Variants in HCFC1 observed in about 807,000 individuals in gnomAD.
HCFC1 encodes the protein host cell factor C1.
HCFC1 carries 7 observed loss-of-function variants against 105.5 expected under a neutral mutation model. The observed-to-expected ratio is 0.07, with a 90% CI of 0.04 to 0.12. The LOEUF is 0.12. Among genes scored for constraint, HCFC1 ranks in the 10% least tolerant of loss-of-function variants. The pLI is 1.00. For missense variants in HCFC1, 1,065 were observed against 1,823.6 expected, an observed-to-expected ratio of 0.58 and a Z score of 7.58; for synonymous variants, 918 against 828.1, an observed-to-expected ratio of 1.11 and a Z score of -1.86.
In HCFC1 at chrX:153,971,063, G is replaced by A. The variant is rs1278604915; in HGVS notation, c.-223C>T. 14 of 373,793 alleles carry A rather than the reference G, an allele frequency of 3.7e-5. No individual in the cohort carries two copies. The highest frequency in any genetic ancestry group is 6.3e-5 in the Non-Finnish European group (14 of 220,695). 30.8% of individuals were successfully genotyped at this position (373,793 alleles called of 1,213,427 possible). A position where few individuals can be genotyped will look rare whatever the true frequency, so the allele number is the denominator to read the frequency against. On this transcript the variant is annotated 5_prime_UTR_variant, in exon 1 of 26. Coordinates refer to ENST00000310441, the MANE Select transcript of HCFC1 (RefSeq NM_005334.3). The stretch of plus-strand genomic sequence containing the variant: ...GTCTCCGCAAGAGCCGCCCGAAACT[G>A]TCGAGCGCCTAGGCTCAAGAAGCTG...
Position 153,956,427 on chromosome X carries a change from CA to C in HCFC1, c.2636-17del. ...GTCGTGACACCTGAAGGAAAGGAGG[CA>C]AGAGTTGGGCCAAGGCTGCTGCTGT... On this transcript the variant is annotated splice_polypyrimidine_tract_variant and intron_variant, in intron 15 of 25. Transcript: ENST00000310441. 4 of 1,196,143 alleles carry C rather than the reference CA, an allele frequency of 3.3e-6. No homozygotes were observed. In the Middle Eastern group the frequency reaches 9.3e-4, roughly 279 times the overall value.
At chrX:153,967,927 G>C (rs1479618895) in intron 1 of HCFC1, among the ~76,000 whole-genome samples, 1 of 111,460 alleles carries the variant, frequency 9.0e-6, no homozygotes, top group Admixed American at 9.5e-5. Flanking sequence ...CATTTCAAAG[G>C]TGATGGGCCC....
Position 153,971,380 on chromosome X carries a change from G to A in HCFC1, c.-540C>T. 3.4e-6 allele frequency: 1 copy of A among 292,994 alleles called. No individual in the cohort carries two copies. Among genetic ancestry groups the A allele is most frequent in the Non-Finnish European group, 5.9e-6 (1 of 168,157 alleles). 24.1% of individuals were successfully genotyped at this position (292,994 alleles called of 1,213,427 possible). ...GGAGCCGCCATCTTGAGACCGTCCC[G>A]CTTCCCCGCCCAGCGCCTTAGTGCA... On this transcript the variant is annotated 5_prime_UTR_variant, in exon 1 of 26. Coordinates refer to ENST00000310441, the MANE Select transcript of HCFC1 (RefSeq NM_005334.3).
intron 1 of HCFC1, among the ~76,000 whole-genome samples, chrX:153,968,182 C>T (rs1381928358): frequency 9.0e-6 from 1 of 111,511 alleles, no homozygotes; most frequent in African/African-American, 3.3e-5. Flanking sequence ...CCTGGCAGCA[C>T]TCTGAATCCT....
Position 153,971,309 on chromosome X carries a change from G to T in HCFC1, c.-469C>A, listed in dbSNP as rs1557120131. On this transcript the variant is annotated 5_prime_UTR_variant, in exon 1 of 26. Coordinates refer to ENST00000310441, the MANE Select transcript of HCFC1 (RefSeq NM_005334.3). ...CGGGGCGGGTGGAAAGGAGCCACAAGCGCCGCGGTCGTCGCAGCCCCGCCG... is the reference window on the plus strand; with the variant it reads ...CGGGGCGGGTGGAAAGGAGCCACAATCGCCGCGGTCGTCGCAGCCCCGCCG... 3.4e-6 allele frequency: 1 copy of T among 298,371 alleles called. No homozygotes were observed. The highest frequency in any genetic ancestry group is 2.7e-5 in the African/African-American group (1 of 36,839). 24.6% of individuals were successfully genotyped at this position (298,371 alleles called of 1,213,427 possible).
intron 2 of HCFC1, 115 bp downstream of exon 2, chrX:153,964,463 G>T: frequency 1.1e-6 from 1 of 943,504 alleles, no homozygotes; most frequent in Non-Finnish European, 1.5e-6. Flanking sequence ...GTTCAGAGCA[G>T]CCTTGGCAGA....
At chrX:153,949,461 G>C (rs937521673) in intron 25 of HCFC1, 75 bp from the exon 26 acceptor site, 1 of 1,130,848 alleles carries the variant, frequency 8.8e-7, no homozygotes, top group African/African-American at 1.8e-5. Context: ...GTGCAGGGCC[G>C]GTTAGGGGCC....
At chrX:153,967,551 GCA>G (rs1322022644) in intron 1 of HCFC1, among the ~76,000 whole-genome samples, 4 of 112,138 alleles carry the variant, frequency 3.6e-5, no homozygotes, top group African/African-American at 1.3e-4. Context: ...GTGCTGGGAG[GCA>G]CAGAGGACAC....
intron 5 of HCFC1, among the ~76,000 whole-genome samples, chrX:153,961,861 G>A (rs1557117023): frequency 1.8e-5 from 2 of 111,988 alleles, no homozygotes; most frequent in Non-Finnish European, 3.8e-5. Context: ...GTGCCGTTCA[G>A]CTCATCTAAA....
In HCFC1 at chrX:153,948,414, C is replaced by T. The variant is rs2065276225; in HGVS notation, c.*933G>A. On this transcript the variant is annotated 3_prime_UTR_variant, in exon 26 of 26. Transcript: ENST00000310441. Reference sequence around the variant, plus strand: ...CCTCGTGGCAGATTTCACACCTCTCCTGCCCTGGCTGGCCCCAGCTTTTCC... The same window carrying T: ...CCTCGTGGCAGATTTCACACCTCTCTTGCCCTGGCTGGCCCCAGCTTTTCC... 2 of 112,251 alleles carry T rather than the reference C, an allele frequency of 1.8e-5. No homozygotes were observed. The highest frequency in any genetic ancestry group is 3.8e-5 in the Non-Finnish European group (2 of 53,180). The allele number at this position is 112,251 out of a possible 1,213,427, so 9.3% of individuals were successfully genotyped here. A position where few individuals can be genotyped will look rare whatever the true frequency, so the allele number is the denominator to read the frequency against.
chrX:153,954,836 G>A lies in HCFC1; in HGVS notation c.3563C>T (p.Ser1188Leu), dbSNP rs782473277. The A allele has an allele frequency of 1.4e-5, 16 of 1,151,031 alleles. No individual in the cohort carries two copies. The Admixed American group carries it at 2.5e-4, about 18-fold the overall frequency. 94.9% of individuals were successfully genotyped at this position (1,151,031 alleles called of 1,213,427 possible). A position where few individuals can be genotyped will look rare whatever the true frequency, so the allele number is the denominator to read the frequency against. Residue 1188 changes from serine (S) to leucine (L), a missense_variant, in exon 17 of 26, where the codon TCG (serine) becomes TTG (leucine). Coordinates refer to ENST00000310441, the MANE Select transcript of HCFC1 (RefSeq NM_005334.3). ...MTVMATGAPCSAGPLLGPSMA... is the reference protein window; with the variant it reads ...MTVMATGAPCLAGPLLGPSMA... Reference sequence around the variant, plus strand: ...GCTCGGCCCAAGGAGTGGGCCGGCCGAGCACGGGGCCCCGGTGGCCATCAC... The same window carrying A: ...GCTCGGCCCAAGGAGTGGGCCGGCCAAGCACGGGGCCCCGGTGGCCATCAC...
Position 153,957,303 on chromosome X carries a change from G to A in HCFC1, c.2353+11C>T. ...ACTTGCAGACACTCATATGTCGGGG[G>A]AGGCCCCTACCCGTGGCGCCCGCCT... On this transcript the variant is annotated intron_variant, in intron 13 of 25. Coordinates refer to ENST00000310441, the MANE Select transcript of HCFC1 (RefSeq NM_005334.3). 8.5e-7 allele frequency: 1 copy of A among 1,178,162 alleles called. No homozygotes were observed. The highest frequency in any genetic ancestry group is 3.0e-5 in the East Asian group (1 of 33,457).
At chrX:153,953,193 G>A (rs1415699641) in intron 18 of HCFC1, 3 of 443,896 alleles carry the variant, frequency 6.8e-6, no homozygotes, top group Non-Finnish European at 7.9e-6. Context: ...GTGGGCCTAA[G>A]TTTTCATTCT....
rs935130398 is a variant in HCFC1, at chrX:153,953,728, G to A, written c.4376C>T (p.Thr1459Ile). The A allele has an allele frequency of 3.3e-6, 4 of 1,208,832 alleles. No individual in the cohort carries two copies. Among genetic ancestry groups the A allele is most frequent in the Admixed American group, 2.2e-5 (1 of 45,930 alleles). Residue 1459 changes from threonine to isoleucine, a missense_variant, in exon 18 of 26, where the codon ACC (threonine) becomes ATC (isoleucine). Physicochemically the swap from Thr to Ile is moderately conservative, Grantham distance 89. Coordinates refer to ENST00000310441, the MANE Select transcript of HCFC1 (RefSeq NM_005334.3). The stretch of plus-strand genomic sequence containing the variant: ...GGTGATGTTCACGCTGTCGCCCTGG[G>A]TGCTCTCCACCTCTCCCTGATCGCT... ...AASDQGEVES[T>I]QGDSVNITSS... is the part of the protein sequence containing the mutation.
intron 21 of HCFC1, 42 bp downstream of exon 21, chrX:153,951,547 C>G (rs1557112460): frequency 8.3e-7 from 1 of 1,206,103 alleles, no homozygotes; most frequent in East Asian, 3.0e-5. Flanking sequence ...CAGTGCTGCC[C>G]CCCAGGCCAC....
At chrX:153,955,680 A>T in intron 16 of HCFC1, 138 bp from the exon 17 acceptor site, 1 of 596,486 alleles carries the variant, frequency 1.7e-6, no homozygotes, top group East Asian at 3.6e-5. Flanking sequence ...AGACCCACTC[A>T]CCCCTGCCCC....
Position 153,954,817 on chromosome X carries a change from C to T in HCFC1, c.3582G>A (p.Gly1194=). Residue 1194 remains glycine (G), a synonymous_variant, in exon 17 of 26, where the codon GGG becomes GGA. Coordinates refer to ENST00000310441, the MANE Select transcript of HCFC1 (RefSeq NM_005334.3). ...GAPCSAGPLL[G]PSMAREPGGR... is the part of the protein sequence containing the mutation. ...CCCCGGGCTCCCGTGCCATGCTCGG[C>T]CCAAGGAGTGGGCCGGCCGAGCACG... is the stretch of plus-strand genomic sequence containing the variant. 2 of 1,160,485 alleles carry T rather than the reference C, an allele frequency of 1.7e-6. No homozygotes were observed. Among genetic ancestry groups the T allele is most frequent in the Non-Finnish European group, 2.3e-6 (2 of 872,538 alleles).
Position 153,952,885 on chromosome X carries a change from G to A in HCFC1, c.4571C>T (p.Ser1524Phe), listed in dbSNP as rs1603294776. 1 of 1,182,520 alleles carries A rather than the reference G, an allele frequency of 8.5e-7. No homozygotes were observed. Among genetic ancestry groups the A allele is most frequent in the East Asian group, 3.1e-5 (1 of 32,099 alleles). ...LPPRQLLQSA[S>F]TALMGESAEV... ...GGCGGACTCCCCCATCAGGGCTGTG[G>A]AAGCCGACTGCAGAAGCTGCCGTGG... The change falls in exon 19 of 26, where the codon TCC becomes TTC. Residue 1524 changes from serine (S) to phenylalanine (F), a missense_variant. By Grantham distance (155) the Ser-to-Phe change is radical (BLOSUM62 -2). Transcript: ENST00000310441.
intron 16 of HCFC1, 107 bp downstream of exon 16, chrX:153,956,084 C>T (rs2065373434): frequency 2.7e-6 from 2 of 734,862 alleles, no homozygotes; most frequent in East Asian, 3.3e-5. Context: ...CACCCGGCAG[C>T]AGCGCAACAC....
Sources: allele counts gnomAD v4.1 joint callset (sites outside exome capture counted in the v4.1 genomes callset), GRCh38; gene constraint gnomAD v4.1.1; transcripts MANE v1.5; gene names NCBI Gene and HGNC (gene_info 2026-07-23, HGNC 2026-07-21).